The following BNC2 variants were observed in gnomAD, a reference collection of about 807,000 sequenced individuals.
The protein encoded by BNC2 is zinc finger protein basonuclin-2.
A neutral mutation model predicts 76.3 loss-of-function variants in BNC2; 20 were observed. The ratio of observed to expected loss-of-function variants is 0.26; its 90% confidence interval spans 0.18 to 0.38. BNC2 has a LOEUF of 0.38. Ranked by LOEUF, BNC2 falls within the 10% of genes least tolerant of loss-of-function variation. The pLI, the probability that BNC2 is intolerant of heterozygous loss-of-function variation, is 1.00. For missense variants in BNC2, 1,382 were observed against 1,399.8 expected (o/e 0.99, Z 0.20); for synonymous variants, 582 against 514.8 (o/e 1.13, Z -1.77).
At chr9:16,432,682 A>C (rs772389040) in intron 6 of BNC2, among the ~76,000 whole-genome samples, 1 of 152,210 alleles carries the variant, frequency 6.6e-6, no homozygotes, top group Non-Finnish European at 1.5e-5. Context: ...TGCACAAGGA[A>C]GACATTGTGG....
intron 1 of BNC2, among the ~76,000 whole-genome samples, chr9:16,842,485 G>C (rs984435636): frequency 2.0e-5 from 3 of 152,096 alleles, no homozygotes; most frequent in Admixed American, 6.5e-5. Flanking sequence ...GGCTGGGGAG[G>C]GAGAATGGAG....
At chr9:16,550,574 C>CT (rs1818627549) in intron 5 of BNC2, among the ~76,000 whole-genome samples, 1 of 152,206 alleles carries the variant, frequency 6.6e-6, no homozygotes, top group Non-Finnish European at 1.5e-5. Flanking sequence ...TATCAAAGTG[C>CT]TACCTGAGCT....
At chr9:16,729,852 T>C (rs1448168949) in intron 2 of BNC2, among the ~76,000 whole-genome samples, 1 of 152,274 alleles carries the variant, frequency 6.6e-6, no homozygotes, top group East Asian at 1.9e-4. Context: ...GCTCCTGACC[T>C]TCCCACTAAT....
intron 3 of BNC2, among the ~76,000 whole-genome samples, chr9:16,615,462 C>T (rs538939763): frequency 4.7e-4 from 71 of 152,182 alleles, no homozygotes; most frequent in Non-Finnish European, 7.6e-4. Context: ...GAGAGGTGCC[C>T]TTCCCAAAAC....
At chr9:16,792,448 C>T (rs1177206389) in intron 1 of BNC2, among the ~76,000 whole-genome samples, 1 of 152,186 alleles carries the variant, frequency 6.6e-6, no homozygotes, top group Non-Finnish European at 1.5e-5. Flanking sequence ...AGAAGCCAGG[C>T]AAACCTGATT....
At chr9:16,774,081 A>G (rs970006266) in intron 1 of BNC2, among the ~76,000 whole-genome samples, 3 of 152,164 alleles carry the variant, frequency 2.0e-5, no homozygotes, top group Non-Finnish European at 4.4e-5. Context: ...TCCCAGGCTC[A>G]AGGGAGTCTC....
chr9:16,792,648 C>A (rs1292948075), intron 1 of BNC2, among the ~76,000 whole-genome samples: 1 of 152,126 alleles, frequency 6.6e-6, no homozygotes, highest in East Asian at 1.9e-4. Flanking sequence ...AGCATAAATA[C>A]CAGCGGGGGG....
At chr9:16,515,190 G>C (rs566790467) in intron 5 of BNC2, among the ~76,000 whole-genome samples, 1 of 152,182 alleles carries the variant, frequency 6.6e-6, no homozygotes, top group East Asian at 1.9e-4. Flanking sequence ...ATGGAGATCC[G>C]AGAGGGAATC....
chr9:16,865,926 T>C (rs904410111), intron 1 of BNC2, among the ~76,000 whole-genome samples: 2 of 152,134 alleles, frequency 1.3e-5, no homozygotes, highest in African/African-American at 4.8e-5. Context: ...GCTGAACTCT[T>C]GAGTGTACTG....
chr9:16,813,220 T>G (rs969701910), intron 1 of BNC2, among the ~76,000 whole-genome samples: 1 of 151,474 alleles, frequency 6.6e-6, no homozygotes, highest in Non-Finnish European at 1.5e-5. Context: ...CTCCTAAAGG[T>G]CTATATACCC....
chr9:16,665,829 G>T (rs377505283), intron 3 of BNC2, among the ~76,000 whole-genome samples: 1 of 151,816 alleles, frequency 6.6e-6, no homozygotes, highest in Non-Finnish European at 1.5e-5. Context: ...AATCCTAAAC[G>T]ATCTGTAAAC....
At chr9:16,439,333 A>G (rs1028825150) in intron 5 of BNC2, among the ~76,000 whole-genome samples, 1 of 152,228 alleles carries the variant, frequency 6.6e-6, no homozygotes, top group African/African-American at 2.4e-5. Flanking sequence ...AAAACAGTAG[A>G]TAGTACTCTT....
chr9:16,862,608 G>A (rs994097522), intron 1 of BNC2, among the ~76,000 whole-genome samples: 1 of 152,162 alleles, frequency 6.6e-6, no homozygotes, highest in Non-Finnish European at 1.5e-5. Context: ...ACTGGATAAA[G>A]AACAAGTGCA....
At chr9:16,710,124 A>G (rs202029210) in intron 3 of BNC2, among the ~76,000 whole-genome samples, 1 of 31,960 alleles carries the variant, frequency 3.1e-5, no homozygotes, top group East Asian at 4.6e-4. Context: ...TTCAACATTT[A>G]AAAAAAAAAA....
intron 5 of BNC2, among the ~76,000 whole-genome samples, chr9:16,502,855 A>G (rs1822549966): frequency 6.6e-6 from 1 of 152,230 alleles, no homozygotes; most frequent in African/African-American, 2.4e-5. Flanking sequence ...TTAATCCCAC[A>G]GAGGGCAAAA....
chr9:16,687,759 G>C (rs1025087227), intron 3 of BNC2, among the ~76,000 whole-genome samples: 1 of 152,086 alleles, frequency 6.6e-6, no homozygotes, highest in African/African-American at 2.4e-5. Flanking sequence ...CAAACACTAA[G>C]TTTCTAGTTC....
chr9:16,644,423 A>G (rs1227483047), intron 3 of BNC2, among the ~76,000 whole-genome samples: 1 of 152,194 alleles, frequency 6.6e-6, no homozygotes, highest in African/African-American at 2.4e-5. Flanking sequence ...TTCACAGGCA[A>G]CAAAACTTAA....
At chr9:16,706,547 G>A (rs1216756938) in intron 3 of BNC2, among the ~76,000 whole-genome samples, 1 of 152,132 alleles carries the variant, frequency 6.6e-6, no homozygotes, top group East Asian at 1.9e-4. Flanking sequence ...ACAAAATGAT[G>A]ATCTCAAAGC....
intron 5 of BNC2, among the ~76,000 whole-genome samples, chr9:16,537,054 TA>T (rs1403051966): frequency 6.6e-6 from 1 of 152,110 alleles, no homozygotes. Flanking sequence ...TTATATGGCA[TA>T]TTGTAGAGCT....
Sources: gnomAD v4.1 joint callset for allele counts (sites outside exome capture counted in the v4.1 genomes callset) on GRCh38, gnomAD v4.1.1 for gene constraint, MANE v1.5 for transcripts, NCBI Gene and HGNC (gene_info 2026-07-23, HGNC 2026-07-21) for gene names.